ATP8B3: variants seen among roughly 807,000 people sequenced by gnomAD.
ATP8B3 encodes the protein phospholipid-transporting ATPase IK.
In ATP8B3, 141 loss-of-function variants were observed where a neutral mutation model predicts 140.9. The ratio of observed to expected loss-of-function variants is 1.00; its 90% confidence interval spans 0.87 to 1.15. The LOEUF (loss-of-function observed/expected upper bound fraction) is 1.15. ATP8B3 is among the 50% of genes most tolerant of loss of function. ATP8B3 has a pLI of 0.00. For missense variants in ATP8B3, 1,874 were observed against 1,740.6 expected (o/e 1.08, Z -1.36); for synonymous variants, 765 against 714.6 (o/e 1.07, Z -1.13).
chr19:1,796,809 A>G lies in ATP8B3; in HGVS notation c.1655T>C (p.Leu552Pro). 6.2e-7 allele frequency: 1 copy of G among 1,612,358 alleles called. No homozygotes were observed. The highest frequency in any genetic ancestry group is 1.1e-5 in the South Asian group (1 of 91,066). Reference sequence around the variant, plus strand: ...GGCCTCGTCCCCGTTGGTCCGCACGAGGTGCAGCAGGGCCGCATTGTGGAA... The same window carrying G: ...GGCCTCGTCCCCGTTGGTCCGCACGGGGTGCAGCAGGGCCGCATTGTGGAA... Reference protein sequence around the residue: ...LLFHNAALLHLVRTNGDEAVR... With the variant: ...LLFHNAALLHPVRTNGDEAVR... Residue 552 changes from leucine to proline, a missense_variant, in exon 16 of 29, where the codon CTC (leucine) becomes CCC (proline). By Grantham distance (98) the Leu-to-Pro change is moderately conservative. Transcript: ENST00000310127.
chr19:1,791,668 C>T, intron 20 of ATP8B3, 82 bp downstream of exon 20: 1 of 1,084,714 alleles, frequency 9.2e-7, no homozygotes. Flanking sequence ...GCTGGGATGA[C>T]AGGTGTGAGC....
chr19:1,811,945 GC>G (rs2069200613), intron 1 of ATP8B3, 61 bp from the exon 2 acceptor site: 4 of 601,082 alleles, frequency 6.7e-6, no homozygotes, highest in Non-Finnish European at 1.1e-5. Context: ...TAACTGGGAT[GC>G]CCCATTACTC....
At position 1,785,070 on chromosome 19, in the gene ATP8B3, C is replaced by T. The variant is rs570758383; in HGVS notation, c.3532+89G>A. On this transcript the variant is annotated intron_variant, in intron 27 of 28. Transcript: ENST00000310127. The stretch of plus-strand genomic sequence containing the variant: ...GAGCGCCTTCCCCAGGACACTTTGC[C>T]GGACGACTGTCATGAGCAACCTGCA... 2.7e-3 allele frequency: 4,073 copies of T among 1,482,242 alleles called. 7 individuals carry two copies. The highest frequency in any genetic ancestry group is 3.1e-3 in the Non-Finnish European group (3,503 of 1,115,342). The allele number at this position is 1,482,242 out of a possible 1,614,324, so 91.8% of individuals were successfully genotyped here.
chr19:1,789,315 C>G, intron 23 of ATP8B3, 46 bp downstream of exon 23: 1 of 1,449,076 alleles, frequency 6.9e-7, no homozygotes, highest in Non-Finnish European at 9.1e-7. Flanking sequence ...CCGTCAGCCG[C>G]CCCCCACTCG....
rs773935809 is a variant in ATP8B3 at position 1,784,810 on chromosome 19, C to G, written c.3660+9G>C. 2 of 1,593,478 alleles carry G rather than the reference C, an allele frequency of 1.3e-6. No homozygotes were observed. Among genetic ancestry groups the G allele is most frequent in the South Asian group, 2.3e-5 (2 of 87,326 alleles). On this transcript the variant is annotated intron_variant, in intron 28 of 28. Coordinates refer to ENST00000310127, the MANE Select transcript of ATP8B3 (RefSeq NM_138813.4). ...CCAGATGAGGACCCCAGGCCCAGGC[C>G]CACCTCACCTTGGCACGTAGCTCCT...
Position 1,789,345 on chromosome 19 carries a change from C to G in ATP8B3, c.2845+16G>C. The G allele has an allele frequency of 1.3e-6, 2 of 1,495,194 alleles. No individual in the cohort carries two copies. Among genetic ancestry groups the G allele is most frequent in the Non-Finnish European group, 8.9e-7 (1 of 1,119,622 alleles). The allele number at this position is 1,495,194 out of a possible 1,614,324, so 92.6% of individuals were successfully genotyped here. ...CACTCGTCCCAGGCACCCCCAGCCC[C>G]GCCGCCGCCACCCACTCTTGATCAT... On this transcript the variant is annotated intron_variant, in intron 23 of 28. Transcript: ENST00000310127.
chr19:1,806,223 C>T lies in ATP8B3; in HGVS notation c.678-54G>A. On this transcript the variant is annotated intron_variant, in intron 7 of 28. Transcript: ENST00000310127. The surrounding 1 kb of genome is among the most constrained non-coding windows in gnomAD (Gnocchi z 5.6). ...CCCCTCCCTCTGCCAACCCTCCCCA[C>T]ACCGGGAGACCAGAGGCACGGGATG... 6.5e-7 allele frequency: 1 copy of T among 1,548,726 alleles called. No individual in the cohort carries two copies. Among genetic ancestry groups the T allele is most frequent in the Non-Finnish European group, 8.7e-7 (1 of 1,148,360 alleles).
intron 28 of ATP8B3, among the ~76,000 whole-genome samples, chr19:1,784,062 A>T (rs1000761433): frequency 6.6e-6 from 1 of 152,098 alleles, no homozygotes; most frequent in African/African-American, 2.4e-5. Context: ...ACTCCTTCTC[A>T]CGGCTCAGGC....
rs141216755 is a variant in ATP8B3 at position 1,808,227 on chromosome 19, G to GGAT, written c.508_510dup (p.Ile170dup). ...GAGGAGGCAACACGCCTCACCTGCA[G>GGAT]GATGATGATGATGAGGAAGAACAGG... On this transcript the variant is annotated inframe_insertion, in exon 5 of 29. Transcript: ENST00000310127. The GGAT allele has an allele frequency of 2.5e-6, 4 of 1,609,632 alleles. No individual in the cohort carries two copies. The highest frequency in any genetic ancestry group is 4.5e-5 in the East Asian group (2 of 44,816).
chr19:1,782,791 G>C lies in ATP8B3; in HGVS notation c.*237C>G. 1 of 550,186 alleles carries C rather than the reference G, an allele frequency of 1.8e-6. No individual in the cohort carries two copies. 34.1% of individuals were successfully genotyped at this position (550,186 alleles called of 1,614,324 possible). A position where few individuals can be genotyped will look rare whatever the true frequency, so the allele number is the denominator to read the frequency against. On this transcript the variant is annotated 3_prime_UTR_variant, in exon 29 of 29. Coordinates refer to ENST00000310127, the MANE Select transcript of ATP8B3 (RefSeq NM_138813.4). ...TCTCAGGAGAAGGTGGCCTCTGCTTGGGTGACAATGACCTCTCCTGTGCCC... is the reference window on the plus strand; with the variant it reads ...TCTCAGGAGAAGGTGGCCTCTGCTTCGGTGACAATGACCTCTCCTGTGCCC...
chr19:1,788,853 C>A (rs2068387423), intron 24 of ATP8B3, 44 bp downstream of exon 24: 2 of 1,520,892 alleles, frequency 1.3e-6, no homozygotes, highest in Admixed American at 4.0e-5. Flanking sequence ...GGCAGGGCAT[C>A]CCCAGAGGCC....
rs374867464 is a variant in ATP8B3 at position 1,789,016 on chromosome 19, C to T, written c.2950G>A (p.Val984Met). Residue 984 changes from valine (V) to methionine (M), a missense_variant, in exon 24 of 29, where the codon GTG becomes ATG. Coordinates refer to ENST00000310127, the MANE Select transcript of ATP8B3 (RefSeq NM_138813.4). ...CGCACGTAGGACCAGCGGCCGTGCA[C>T]CAGCAGGAGGCGCTGCAGGAAGCAG... ...QFCFLQRLLL[V>M]HGRWSYVRIC... The T allele has an allele frequency of 1.1e-4, 171 of 1,609,940 alleles. 1 individual carries two copies. The highest frequency in any genetic ancestry group is 1.4e-4 in the Non-Finnish European group (161 of 1,178,738).
At chr19:1,789,287 C>T (rs1457748788) in intron 23 of ATP8B3, 74 bp downstream of exon 23, 6 of 1,433,174 alleles carry the variant, frequency 4.2e-6, no homozygotes, top group Non-Finnish European at 4.6e-6. Context: ...CCAGGTCCCC[C>T]CAGTCCCACC....
intron 12 of ATP8B3, among the ~76,000 whole-genome samples, chr19:1,801,440 C>G (rs1211745644): frequency 6.6e-6 from 1 of 152,208 alleles, no homozygotes; most frequent in Non-Finnish European, 1.5e-5. Context: ...CATGAGCCAT[C>G]TCACCCAGCC....
Position 1,800,805 on chromosome 19 carries a change from G to A in ATP8B3, c.1153-356C>T, listed in dbSNP as rs1384613922. ...TGCACTCCATCCTGGGCAATAGAGTGAGATAGAAAAACTTTTTTTTTTTTA... is the reference window on the plus strand; with the variant it reads ...TGCACTCCATCCTGGGCAATAGAGTAAGATAGAAAAACTTTTTTTTTTTTA... On this transcript the variant is annotated intron_variant, in intron 12 of 28. Transcript: ENST00000310127. This position sits in a 1 kb window ranked among gnomAD's most constrained non-coding sequence, Gnocchi z 4.4. 6.6e-6 allele frequency among the ~76,000 whole-genome samples: 1 copy of A among 150,914 alleles called. No individual in the cohort carries two copies. Among genetic ancestry groups the A allele is most frequent in the Non-Finnish European group, 1.5e-5 (1 of 67,836 alleles).
At chr19:1,796,944 C>T (rs62127692) in intron 15 of ATP8B3, 30 bp downstream of exon 15, 360,833 of 1,612,332 alleles carry the variant, frequency 0.22, 41,582 homozygotes, top group South Asian at 0.3. Flanking sequence ...TCCCCCTCAC[C>T]GTCCCGCGCT....
At position 1,805,273 on chromosome 19, in the gene ATP8B3, C is replaced by T; in HGVS notation, c.904+101G>A. 2 of 1,219,230 alleles carry T rather than the reference C, an allele frequency of 1.6e-6. No individual in the cohort carries two copies. Among genetic ancestry groups the T allele is most frequent in the South Asian group, 1.3e-5 (1 of 77,026 alleles). 75.5% of individuals were successfully genotyped at this position (1,219,230 alleles called of 1,614,324 possible). On this transcript the variant is annotated intron_variant, in intron 10 of 28. Coordinates refer to ENST00000310127, the MANE Select transcript of ATP8B3 (RefSeq NM_138813.4). The surrounding 1 kb of genome is among the most constrained non-coding windows in gnomAD (Gnocchi z 5.2). Reference sequence around the variant, plus strand: ...TCCAGGTGTGAGCCACTGGGCCTGGCCAGCACCTTGTTTTAAAAACAGTAA... The same window carrying T: ...TCCAGGTGTGAGCCACTGGGCCTGGTCAGCACCTTGTTTTAAAAACAGTAA...
Position 1,806,018 on chromosome 19 carries a change from C to A in ATP8B3, c.751-60G>T, listed in dbSNP as rs543774352. The A allele has an allele frequency of 7.5e-6, 12 of 1,608,044 alleles. No homozygotes were observed. Among genetic ancestry groups the A allele is most frequent in the Non-Finnish European group, 1.0e-5 (12 of 1,177,646 alleles). On this transcript the variant is annotated intron_variant, in intron 8 of 28. Transcript: ENST00000310127. This position sits in a 1 kb window ranked among gnomAD's most constrained non-coding sequence, Gnocchi z 5.6. Reference sequence around the variant, plus strand: ...GATGCAAGACAAATTGGGGGTGCGGCAGCCCTCCCCACCCTGGGAGGGGTG... The same window carrying A: ...GATGCAAGACAAATTGGGGGTGCGGAAGCCCTCCCCACCCTGGGAGGGGTG...
At position 1,796,150 on chromosome 19, in the gene ATP8B3, C is replaced by A; in HGVS notation, c.1869G>T (p.Leu623=). 13 of 1,613,018 alleles carry A rather than the reference C, an allele frequency of 8.1e-6. No individual in the cohort carries two copies. The highest frequency in any genetic ancestry group is 1.1e-5 in the Non-Finnish European group (13 of 1,179,874). The change falls in exon 17 of 29, where the codon CTG becomes CTT. Residue 623 remains leucine (L), a synonymous_variant. Coordinates refer to ENST00000310127, the MANE Select transcript of ATP8B3 (RefSeq NM_138813.4). ...RTQDTVTIME[L]GEERVYQVLA... Reference sequence around the variant, plus strand: ...GGACCTGGTAGACCCGTTCCTCCCCCAGCTCCATGATCGTGACGGTGTCCT... The same window carrying A: ...GGACCTGGTAGACCCGTTCCTCCCCAAGCTCCATGATCGTGACGGTGTCCT...
Sources: gnomAD v4.1 joint callset for allele counts (sites outside exome capture counted in the v4.1 genomes callset) on GRCh38, gnomAD v4.1.1 for gene constraint, Gnocchi (gnomAD v3.1) non-coding constraint, MANE v1.5 for transcripts, NCBI Gene and HGNC (gene_info 2026-07-23, HGNC 2026-07-21) for gene names.